DIAPH3: variants seen among roughly 807,000 people sequenced by gnomAD.
DIAPH3 encodes protein diaphanous homolog 3.
DIAPH3 carries 117 observed loss-of-function variants against 144.3 expected under a neutral mutation model. The observed-to-expected ratio is 0.81, with a 90% CI of 0.70 to 0.95. The LOEUF (loss-of-function observed/expected upper bound fraction) is 0.95. Among genes scored for constraint, DIAPH3 ranks in the 40% least tolerant of loss-of-function variants. The pLI is 0.00. For synonymous variants in DIAPH3, 519 were observed against 488.9 expected (o/e 1.06, Z -0.81); for missense variants, 1,421 against 1,412.7 (o/e 1.01, Z -0.09).
At chr13:59,707,860 C>A (rs1235224868) in intron 27 of DIAPH3, among the ~76,000 whole-genome samples, 1 of 152,026 alleles carries the variant, frequency 6.6e-6, no homozygotes, top group Admixed American at 6.6e-5. Context: ...GCAACCTAGA[C>A]TTCATAATCT....
chr13:59,861,269 CTCTT>C (rs1430972012), intron 22 of DIAPH3, 134 bp downstream of exon 22: 10 of 1,543,596 alleles, frequency 6.5e-6, no homozygotes, highest in African/African-American at 2.7e-5. Flanking sequence ...TCCTACAACT[CTCTT>C]TATTTTTAAA....
At chr13:60,042,994 G>T (rs2055798139) in intron 4 of DIAPH3, among the ~76,000 whole-genome samples, 174 bp from the exon 5 acceptor site, 1 of 152,178 alleles carries the variant, frequency 6.6e-6, no homozygotes, top group African/African-American at 2.4e-5. Context: ...TTCATAATGT[G>T]TGGTATCCAC....
At chr13:59,958,867 CTTTTT>C (rs932649097) in intron 17 of DIAPH3, among the ~76,000 whole-genome samples, 8 of 94,342 alleles carry the variant, frequency 8.5e-5, no homozygotes, top group Non-Finnish European at 1.0e-4. Flanking sequence ...CTTCAATAAA[CTTTTT>C]TTTTTTTTTT....
chr13:60,084,491 C>A (rs2057685288), intron 4 of DIAPH3, among the ~76,000 whole-genome samples: 1 of 151,706 alleles, frequency 6.6e-6, no homozygotes, highest in Admixed American at 6.6e-5. Flanking sequence ...AAAAAAAGAA[C>A]TACTACTAAA....
At chr13:59,778,926 T>G (rs1359249001) in intron 25 of DIAPH3, among the ~76,000 whole-genome samples, 1 of 152,242 alleles carries the variant, frequency 6.6e-6, no homozygotes, top group Non-Finnish European at 1.5e-5. Flanking sequence ...TTCATTTTTA[T>G]TTTTAATTTT....
chr13:59,859,590 G>C (rs1335145863), intron 22 of DIAPH3, among the ~76,000 whole-genome samples: 1 of 151,948 alleles, frequency 6.6e-6, no homozygotes, highest in African/African-American at 2.4e-5. Flanking sequence ...GTATTTCAAG[G>C]CACTTTGTAC....
chr13:60,057,971 G>A (rs563640487), intron 4 of DIAPH3, among the ~76,000 whole-genome samples: 1 of 151,728 alleles, frequency 6.6e-6, no homozygotes, highest in African/African-American at 2.4e-5. Context: ...AACTCTTCTG[G>A]ACATTGGCCC....
At chr13:60,131,435 C>CAAAAAAAAAA (rs777909368) in intron 2 of DIAPH3, among the ~76,000 whole-genome samples, 2 of 29,298 alleles carry the variant, frequency 6.8e-5, no homozygotes, top group Non-Finnish European at 1.7e-4. Context: ...GACCCTGTCT[C>CAAAAAAAAAA]AAAAAAAAAA....
intron 27 of DIAPH3, among the ~76,000 whole-genome samples, chr13:59,688,314 A>C (rs1310645480): frequency 6.6e-6 from 1 of 152,068 alleles, no homozygotes. Flanking sequence ...AACATATTAA[A>C]AATGTCTCTA....
At chr13:59,994,605 C>T (rs1281392983) in intron 9 of DIAPH3, among the ~76,000 whole-genome samples, 1 of 151,702 alleles carries the variant, frequency 6.6e-6, no homozygotes, top group African/African-American at 2.4e-5. Context: ...TATGGAGATG[C>T]TAAATGAGAA....
chr13:59,921,489 G>T (rs547810875), intron 18 of DIAPH3, among the ~76,000 whole-genome samples: 3 of 151,320 alleles, frequency 2.0e-5, no homozygotes, highest in Non-Finnish European at 4.4e-5. Context: ...AAAAAAAATG[G>T]ATAAAATCCT....
intron 27 of DIAPH3, among the ~76,000 whole-genome samples, chr13:59,726,753 G>A (rs1289766028): frequency 6.6e-6 from 1 of 152,090 alleles, no homozygotes. Context: ...TGGTTTAACT[G>A]TCCTAACTAG....
chr13:59,746,912 T>C (rs2036733543), intron 27 of DIAPH3, among the ~76,000 whole-genome samples: 1 of 152,158 alleles, frequency 6.6e-6, no homozygotes, highest in South Asian at 2.1e-4. Flanking sequence ...GAAAAATGAA[T>C]TTATGTTTTA....
At position 60,159,625 on chromosome 13, in the gene DIAPH3, C is replaced by CAA. The variant is rs57606784; in HGVS notation, c.180+3960_180+3961dup. On this transcript the variant is annotated intron_variant, in intron 1 of 27. Coordinates refer to ENST00000400324, the MANE Select transcript of DIAPH3 (RefSeq NM_001042517.2). ...GGCAACAGAATGAGACTTTGTCTCA[C>CAA]AAAAAAAAAAAAAGAAAGAAAGAAA... Among the ~76,000 whole-genome samples, 40 of 120,102 alleles carry CAA rather than the reference C, an allele frequency of 3.3e-4. No homozygotes were observed. The East Asian group carries it at 4.5e-3, about 13-fold the overall frequency. 78.8% of individuals were successfully genotyped at this position (120,102 alleles called of 152,430 possible).
At chr13:59,895,561 AG>A (rs2046046386) in intron 20 of DIAPH3, among the ~76,000 whole-genome samples, 1 of 152,242 alleles carries the variant, frequency 6.6e-6, no homozygotes, top group Non-Finnish European at 1.5e-5. Flanking sequence ...GAAAAAGGGA[AG>A]AAAAATCAAC....
At chr13:59,727,946 A>T (rs2035688899) in intron 27 of DIAPH3, among the ~76,000 whole-genome samples, 1 of 152,154 alleles carries the variant, frequency 6.6e-6, no homozygotes, top group African/African-American at 2.4e-5. Context: ...CAACAACAAC[A>T]AAAAGTCAAA....
At chr13:59,943,685 G>C (rs1023019110) in intron 17 of DIAPH3, among the ~76,000 whole-genome samples, 1 of 152,110 alleles carries the variant, frequency 6.6e-6, no homozygotes, top group African/African-American at 2.4e-5. Flanking sequence ...GGAACAATAA[G>C]ATGTGAAGAT....
chr13:60,125,622 C>T (rs1050518686), intron 2 of DIAPH3, among the ~76,000 whole-genome samples: 6 of 151,968 alleles, frequency 3.9e-5, no homozygotes, highest in South Asian at 2.1e-4. Flanking sequence ...GGTTTCTGCA[C>T]GCTAATGAGA....
chr13:59,755,356 G>C (rs2037204546), intron 27 of DIAPH3, among the ~76,000 whole-genome samples: 1 of 152,110 alleles, frequency 6.6e-6, no homozygotes, highest in African/African-American at 2.4e-5. Context: ...GTCTCAATTA[G>C]GAAATTGAAA....
Sources: gnomAD v4.1 joint callset for allele counts (sites outside exome capture counted in the v4.1 genomes callset) on GRCh38, gnomAD v4.1.1 for gene constraint, MANE v1.5 for transcripts, NCBI Gene and HGNC (gene_info 2026-07-23, HGNC 2026-07-21) for gene names.